SGCZ: variants seen among roughly 807,000 people sequenced by gnomAD.
The protein encoded by SGCZ is zeta-sarcoglycan.
SGCZ carries 40 observed loss-of-function variants against 41.3 expected under a neutral mutation model. The observed-to-expected ratio is 0.97, with a 90% confidence interval of 0.75 to 1.26. SGCZ has a LOEUF of 1.26. SGCZ is among the 50% of genes most tolerant of loss of function. The pLI, the probability that SGCZ is intolerant of heterozygous loss-of-function variation, is 0.00. For synonymous variants in SGCZ, 206 were observed against 137.5 expected (o/e 1.50, Z -3.49); for missense variants, 552 against 369.8 (o/e 1.49, Z -4.04).
chr8:14,637,206 T>C (rs550598098), intron 1 of SGCZ, among the ~76,000 whole-genome samples: 29 of 151,990 alleles, frequency 1.9e-4, no homozygotes, highest in African/African-American at 7.0e-4. Context: ...CTGAGTTAGA[T>C]TTATTCAGTC....
intron 1 of SGCZ, among the ~76,000 whole-genome samples, chr8:14,608,287 C>T (rs1223082085): frequency 6.7e-6 from 1 of 148,976 alleles, no homozygotes; most frequent in Non-Finnish European, 1.5e-5. Context: ...GTGGTAAATA[C>T]AAGTGTATTT....
intron 1 of SGCZ, among the ~76,000 whole-genome samples, chr8:14,713,980 T>C (rs960770918): frequency 6.6e-6 from 1 of 152,176 alleles, no homozygotes; most frequent in Non-Finnish European, 1.5e-5. Context: ...GTTTTTGTTT[T>C]TGTTTTCAGA....
intron 4 of SGCZ, among the ~76,000 whole-genome samples, chr8:14,185,222 A>G (rs995108530): frequency 3.3e-5 from 5 of 152,090 alleles, no homozygotes; most frequent in African/African-American, 1.2e-4. Context: ...TAACATGGTG[A>G]AACCCTATCC....
chr8:14,515,105 G>C (rs1802583013), intron 2 of SGCZ, among the ~76,000 whole-genome samples: 1 of 151,932 alleles, frequency 6.6e-6, no homozygotes, highest in African/African-American at 2.4e-5. Context: ...ATCCCTCCTT[G>C]CTTACAGCCA....
At chr8:15,014,724 A>G (rs1296597647) in intron 1 of SGCZ, among the ~76,000 whole-genome samples, 1 of 152,222 alleles carries the variant, frequency 6.6e-6, no homozygotes, top group Non-Finnish European at 1.5e-5. Context: ...AGGTGTTTCC[A>G]TGACCAGGAG....
intron 2 of SGCZ, among the ~76,000 whole-genome samples, chr8:14,450,551 T>C (rs1484585281): frequency 6.6e-6 from 1 of 152,174 alleles, no homozygotes; most frequent in African/African-American, 2.4e-5. Context: ...AGCTATAATT[T>C]TAGTTAAATG....
chr8:14,437,328 G>C (rs1000179663), intron 2 of SGCZ, among the ~76,000 whole-genome samples: 1 of 152,076 alleles, frequency 6.6e-6, no homozygotes, highest in Non-Finnish European at 1.5e-5. Context: ...CACTTGTCAA[G>C]TTTTGCTGTA....
chr8:15,047,275 T>C (rs1171006242), intron 1 of SGCZ, among the ~76,000 whole-genome samples: 2 of 152,058 alleles, frequency 1.3e-5, no homozygotes. Flanking sequence ...CAAAAGGATA[T>C]ACTCATGTAA....
At chr8:14,298,137 T>C (rs1186147259) in intron 3 of SGCZ, among the ~76,000 whole-genome samples, 1 of 151,976 alleles carries the variant, frequency 6.6e-6, no homozygotes, top group African/African-American at 2.4e-5. Context: ...TACAGAAAGA[T>C]AATTTGACAA....
chr8:15,236,178 G>A (rs937588507), intron 1 of SGCZ, among the ~76,000 whole-genome samples: 3 of 152,086 alleles, frequency 2.0e-5, no homozygotes, highest in South Asian at 2.1e-4. Context: ...TCCTCCCTCC[G>A]TCCTGGACTG....
intron 3 of SGCZ, among the ~76,000 whole-genome samples, chr8:14,308,360 T>TA (rs966655382): frequency 3.9e-5 from 6 of 152,056 alleles, no homozygotes; most frequent in African/African-American, 9.7e-5. Flanking sequence ...AAATGTGCTG[T>TA]AAAAAAATTT....
At chr8:14,268,809 T>G (rs111777832) in intron 3 of SGCZ, among the ~76,000 whole-genome samples, 1 of 152,068 alleles carries the variant, frequency 6.6e-6, no homozygotes, top group Non-Finnish European at 1.5e-5. Flanking sequence ...TAGTCTGGAA[T>G]ATAAAACATC....
chr8:14,476,883 G>T (rs745401661), intron 2 of SGCZ, among the ~76,000 whole-genome samples: 22 of 152,138 alleles, frequency 1.4e-4, no homozygotes, highest in Non-Finnish European at 5.9e-5. Context: ...TTCAGAAAGA[G>T]ACAGACATTC....
intron 2 of SGCZ, among the ~76,000 whole-genome samples, chr8:14,354,468 C>T (rs1267132270): frequency 6.6e-6 from 1 of 151,688 alleles, no homozygotes; most frequent in Non-Finnish European, 1.5e-5. Flanking sequence ...AATTAGTACT[C>T]TTGTAGATTA....
chr8:14,768,713 G>C (rs6530803), intron 1 of SGCZ, among the ~76,000 whole-genome samples: 64,059 of 151,634 alleles, frequency 0.42, 13,809 homozygotes, highest in East Asian at 0.51. Context: ...CACTAATTTT[G>C]TAATATGCTC....
intron 3 of SGCZ, among the ~76,000 whole-genome samples, chr8:14,304,003 C>T (rs1356980918): frequency 2.6e-5 from 4 of 152,016 alleles, no homozygotes; most frequent in Non-Finnish European, 4.4e-5. Context: ...ACTCCTGCCT[C>T]GGCCTCCCAA....
chr8:14,115,171 T>A (rs1802486355), intron 5 of SGCZ, among the ~76,000 whole-genome samples: 1 of 151,966 alleles, frequency 6.6e-6, no homozygotes, highest in Non-Finnish European at 1.5e-5. Context: ...GAGGTTGTTG[T>A]TTTGCCCTTT....
chr8:14,244,183 CTT>C (rs1483446557), intron 3 of SGCZ, among the ~76,000 whole-genome samples: 4 of 149,486 alleles, frequency 2.7e-5, no homozygotes, highest in Non-Finnish European at 5.9e-5. Flanking sequence ...CCTCTTCCTT[CTT>C]CCTCCTCCTC....
intron 1 of SGCZ, among the ~76,000 whole-genome samples, chr8:14,781,921 G>A (rs1311423307): frequency 1.3e-5 from 2 of 152,018 alleles, no homozygotes; most frequent in African/African-American, 2.4e-5. Flanking sequence ...TAGTTGTATG[G>A]GTATTAAAAG....
Sources: allele counts gnomAD v4.1 joint callset (sites outside exome capture counted in the v4.1 genomes callset), GRCh38; gene constraint gnomAD v4.1.1; transcripts MANE v1.5; gene names NCBI Gene and HGNC (gene_info 2026-07-23, HGNC 2026-07-21).